Variants in BMPR2 observed in about 807,000 individuals in gnomAD.
BMPR2 encodes the protein bone morphogenetic protein receptor type 2, also known as bone morphogenetic protein receptor type-2.
In BMPR2, 29 loss-of-function variants were observed where a neutral mutation model predicts 100.8. That is an observed-to-expected ratio of 0.29 (90% CI 0.21 to 0.39). The LOEUF (loss-of-function observed/expected upper bound fraction) is 0.39, where lower values mean the gene tolerates loss of function less well. BMPR2 is among the 10% of genes least tolerant of loss of function. BMPR2 has a pLI of 1.00. For synonymous variants in BMPR2, 382 were observed against 442.3 expected (o/e 0.86, Z 1.71); for missense variants, 1,011 against 1,274.5 (o/e 0.79, Z 3.15).
chr2:202,546,867 G>A (rs1285475380), intron 10 of BMPR2, among the ~76,000 whole-genome samples: 2 of 152,190 alleles, frequency 1.3e-5, no homozygotes, highest in African/African-American at 2.4e-5. Flanking sequence ...CTCCCGGAGT[G>A]CTGGGATTAC....
chr2:202,539,434 A>G (rs763875131), intron 9 of BMPR2, among the ~76,000 whole-genome samples: 2 of 152,248 alleles, frequency 1.3e-5, no homozygotes, highest in Middle Eastern at 6.8e-3. Flanking sequence ...AATTTTAACA[A>G]TTAAATGAGG....
intron 10 of BMPR2, among the ~76,000 whole-genome samples, chr2:202,544,273 G>A (rs912648967): frequency 1.3e-5 from 2 of 152,062 alleles, no homozygotes; most frequent in African/African-American, 4.8e-5. Flanking sequence ...TCTCTTTCTT[G>A]TAAACGATTG....
At chr2:202,402,385 G>A (rs1274395415) in intron 1 of BMPR2, among the ~76,000 whole-genome samples, 2 of 152,052 alleles carry the variant, frequency 1.3e-5, no homozygotes, top group African/African-American at 2.4e-5. Flanking sequence ...GGGTGTGGTG[G>A]CACACGCCTG....
intron 1 of BMPR2, among the ~76,000 whole-genome samples, chr2:202,433,166 A>T (rs1309807469): frequency 6.6e-6 from 1 of 150,538 alleles, no homozygotes; most frequent in East Asian, 1.9e-4. Flanking sequence ...CTCTCTGCTA[A>T]ATTTCATCTT....
chr2:202,555,475 A>G lies in BMPR2; in HGVS notation c.1810A>G (p.Ser604Gly). 1 of 1,614,112 alleles carries G rather than the reference A, an allele frequency of 6.2e-7. No homozygotes were observed. The highest frequency in any genetic ancestry group is 8.5e-7 in the Non-Finnish European group (1 of 1,180,000). Residue 604 changes from serine (S) to glycine (G), a missense_variant, in exon 12 of 13, where the codon AGT becomes GGT. Coordinates refer to ENST00000374580, the MANE Select transcript of BMPR2 (RefSeq NM_001204.7). ...AQARIPSPET[S>G]VTSLSTNTTT... ...AGCTCGAATCCCCAGCCCTGAAACA[A>G]GTGTCACCAGCCTCTCCACCAACAC...
chr2:202,377,224 G>C lies in BMPR2; in HGVS notation c.-251G>C. On this transcript the variant is annotated 5_prime_UTR_variant, in exon 1 of 13. Coordinates refer to ENST00000374580, the MANE Select transcript of BMPR2 (RefSeq NM_001204.7). ...TCCCCACAGACATGCCTTCCGTTTG[G>C]AGGGCCGCGGCACCCCGTCCGAGGC... 1.7e-6 allele frequency: 1 copy of C among 605,214 alleles called. No homozygotes were observed. 37.5% of individuals were successfully genotyped at this position (605,214 alleles called of 1,614,324 possible).
intron 3 of BMPR2, among the ~76,000 whole-genome samples, chr2:202,472,960 C>A (rs1006927415): frequency 6.6e-6 from 1 of 152,106 alleles, no homozygotes; most frequent in Non-Finnish European, 1.5e-5. Context: ...GCACTAACCT[C>A]AAGAAAAATA....
In BMPR2 at chr2:202,488,490, A is replaced by G. The variant is rs531289586; in HGVS notation, c.418+20801A>G. ...AACAAAAAAACAGAGTCAGGTTCTC[A>G]CTCTGTCTCCCAGGCTGGAGTGCGG... On this transcript the variant is annotated intron_variant, in intron 3 of 12. Transcript: ENST00000374580. Among the ~76,000 whole-genome samples the G allele has an allele frequency of 1.1e-3, 161 of 152,204 alleles. 1 individual carries two copies. Among genetic ancestry groups the G allele is most frequent in the African/African-American group, 3.7e-3 (155 of 41,550 alleles).
At chr2:202,452,622 A>T (rs1227653353) in intron 1 of BMPR2, among the ~76,000 whole-genome samples, 1 of 152,222 alleles carries the variant, frequency 6.6e-6, no homozygotes, top group Non-Finnish European at 1.5e-5. Flanking sequence ...GTCTCTTAAA[A>T]TAATTGGTTC....
intron 3 of BMPR2, chr2:202,475,243 A>C (rs1050727023): frequency 2.0e-5 from 3 of 151,846 alleles, no homozygotes; most frequent in African/African-American, 7.3e-5. Context: ...TAGTTTGGCC[A>C]AGCTGGTCTC....
intron 1 of BMPR2, among the ~76,000 whole-genome samples, chr2:202,389,353 C>T (rs1231695795): frequency 1.3e-5 from 2 of 151,114 alleles, no homozygotes; most frequent in African/African-American, 4.9e-5. Flanking sequence ...TGGTGAAACC[C>T]CGTCTCTACT....
Position 202,492,321 on chromosome 2 carries a change from C to T in BMPR2, c.419-21398C>T, listed in dbSNP as rs200423320. Among the ~76,000 whole-genome samples the T allele has an allele frequency of 6.6e-5, 10 of 151,948 alleles. No individual in the cohort carries two copies. In the East Asian group the frequency reaches 1.9e-3, roughly 29 times the overall value. ...CAAGCTCTGCATTTTGTATTATAAA[C>T]ATTTTCGTGTATAATGCTTATACAT... On this transcript the variant is annotated intron_variant, in intron 3 of 12. Transcript: ENST00000374580.
At chr2:202,477,117 C>T (rs1692566339) in intron 3 of BMPR2, among the ~76,000 whole-genome samples, 1 of 152,080 alleles carries the variant, frequency 6.6e-6, no homozygotes, top group Non-Finnish European at 1.5e-5. Context: ...GATTATTTAG[C>T]CTCTGTGCAT....
chr2:202,379,263 TTTTCA>T (rs1279962340), intron 1 of BMPR2, among the ~76,000 whole-genome samples: 1 of 152,230 alleles, frequency 6.6e-6, no homozygotes, highest in Non-Finnish European at 1.5e-5. Flanking sequence ...TACATATATT[TTTTCA>T]TTTCGTCTTC....
At chr2:202,556,596 A>T in intron 12 of BMPR2, 65 bp downstream of exon 12, 12 of 1,522,692 alleles carry the variant, frequency 7.9e-6, no homozygotes, top group Non-Finnish European at 1.1e-5. Flanking sequence ...AACTATTTAG[A>T]ATCAACTAAT....
chr2:202,501,857 G>C (rs1687402745), intron 3 of BMPR2, among the ~76,000 whole-genome samples: 3 of 152,198 alleles, frequency 2.0e-5, no homozygotes, highest in Non-Finnish European at 4.4e-5. Context: ...AATCGAGCAT[G>C]ACTGCCAACA....
chr2:202,383,205 C>T (rs764216441), intron 1 of BMPR2, among the ~76,000 whole-genome samples: 73 of 152,212 alleles, frequency 4.8e-4, no homozygotes, highest in Non-Finnish European at 9.1e-4. Context: ...CCAAGGCAGG[C>T]GGATCACTTG....
intron 9 of BMPR2, among the ~76,000 whole-genome samples, chr2:202,534,219 G>GTA (rs756308564): frequency 0.018 from 2,424 of 135,776 alleles, 27 homozygotes; most frequent in Middle Eastern, 0.024. Context: ...TCGTGTGTGT[G>GTA]TGTATATATA....
chr2:202,391,586 C>A (rs1002375984), intron 1 of BMPR2, among the ~76,000 whole-genome samples: 7 of 150,434 alleles, frequency 4.7e-5, no homozygotes, highest in Admixed American at 4.0e-4. Context: ...ACCAACACAC[C>A]TGACCAGTGT....
Sources: gnomAD v4.1 joint callset for allele counts (sites outside exome capture counted in the v4.1 genomes callset) on GRCh38, gnomAD v4.1.1 for gene constraint, MANE v1.5 for transcripts, NCBI Gene and HGNC (gene_info 2026-07-23, HGNC 2026-07-21) for gene names.